Variants in FGF19 observed in about 807,000 individuals in gnomAD.
The protein encoded by FGF19 is FGF-19.
FGF19 carries 5 observed loss-of-function variants against 8.9 expected under a neutral mutation model. The observed-to-expected ratio is 0.56, with a 90% CI of 0.29 to 1.18. The LOEUF (loss-of-function observed/expected upper bound fraction) is 1.18. FGF19 is among the 50% of genes most tolerant of loss of function. FGF19 has a pLI of 0.08. For missense variants in FGF19, 237 were observed against 293.9 expected (o/e 0.81, Z 1.42); for synonymous variants, 124 against 128.0 (o/e 0.97, Z 0.21).
chr11:69,699,540 C>T lies in FGF19; in HGVS notation c.373G>A (p.Glu125Lys), dbSNP rs142959398. The change falls in exon 3 of 3, where the codon GAG (glutamate) becomes AAG (lysine). Residue 125 changes from glutamate (E) to lysine (K), a missense_variant. Coordinates refer to ENST00000294312, the MANE Select transcript of FGF19 (RefSeq NM_005117.3). ...ACATTGTAGCCATCTGGGCGGATCT[C>T]CTCCTCGAAAGCACAGTCTTCCTCC... ...YSEEDCAFEE[E>K]IRPDGYNVYR... 1.3e-5 allele frequency: 21 copies of T among 1,613,640 alleles called. No homozygotes were observed. The African/African-American group carries it at 2.5e-4, about 19-fold the overall frequency.
chr11:69,699,711 A>G (rs960068222), intron 2 of FGF19, 135 bp from the exon 3 acceptor site: 7 of 623,932 alleles, frequency 1.1e-5, no homozygotes, highest in Admixed American at 3.0e-5. Flanking sequence ...TGCATGTTTT[A>G]TACATACTTC....
intron 2 of FGF19, 63 bp from the exon 3 acceptor site, chr11:69,699,639 A>C: frequency 2.9e-6 from 4 of 1,356,330 alleles, no homozygotes; most frequent in Non-Finnish European, 4.0e-6. Context: ...GTCCACATGG[A>C]CGTTTGTGCT....
At chr11:69,700,497 G>A (rs978435388) in intron 2 of FGF19, among the ~76,000 whole-genome samples, 20 of 152,272 alleles carry the variant, frequency 1.3e-4, no homozygotes, top group African/African-American at 4.6e-4. Context: ...AAAAGTTCCT[G>A]GGTATTTCAT....
Position 69,699,407 on chromosome 11 carries a change from A to T in FGF19, c.506T>A (p.Leu169Gln). The change falls in exon 3 of 3, where the codon CTG (leucine) becomes CAG (glutamine). Residue 169 changes from leucine to glutamine, a missense_variant. Leu to Gln is a moderately radical substitution (Grantham distance 113, BLOSUM62 -2). Coordinates refer to ENST00000294312, the MANE Select transcript of FGF19 (RefSeq NM_005117.3). ...FLPLSHFLPM[L>Q]PMVPEEPEDL... ...CTCAGGCTCCTCTGGGACCATGGGC[A>T]GCATGGGCAGGAAATGAGAGAGTGG... 2 of 1,614,234 alleles carry T rather than the reference A, an allele frequency of 1.2e-6. No homozygotes were observed. Among genetic ancestry groups the T allele is most frequent in the Non-Finnish European group, 1.7e-6 (2 of 1,180,042 alleles).
Position 69,703,441 on chromosome 11 carries a change from C to T in FGF19, c.233-77G>A. On this transcript the variant is annotated intron_variant, in intron 1 of 2. Coordinates refer to ENST00000294312, the MANE Select transcript of FGF19 (RefSeq NM_005117.3). This position sits in a 1 kb window ranked among gnomAD's most constrained non-coding sequence, Gnocchi z 6.8. ...ACGTGGGTGCGGTCGGTCCACAAGC[C>T]TGTGCTTCTCCCTAGCGTCCCGCGC... 6 of 1,169,930 alleles carry T rather than the reference C, an allele frequency of 5.1e-6. No individual in the cohort carries two copies. Among genetic ancestry groups the T allele is most frequent in the Non-Finnish European group, 4.9e-6 (4 of 814,316 alleles). The allele number at this position is 1,169,930 out of a possible 1,614,324, so 72.5% of individuals were successfully genotyped here. A position where few individuals can be genotyped will look rare whatever the true frequency, so the allele number is the denominator to read the frequency against.
rs576930378 is a variant in FGF19 at position 69,698,859 on chromosome 11, C to T, written c.*403G>A. On this transcript the variant is annotated 3_prime_UTR_variant, in exon 3 of 3. Coordinates refer to ENST00000294312, the MANE Select transcript of FGF19 (RefSeq NM_005117.3). ...GGATCACCTGTTCCTGAAATTAAAA[C>T]TACTGCCTGTCTTCTGGCTGCTCCT... is the stretch of plus-strand genomic sequence containing the variant. 14 of 245,056 alleles carry T rather than the reference C, an allele frequency of 5.7e-5. No individual in the cohort carries two copies. The highest frequency in any genetic ancestry group is 2.7e-4 in the African/African-American group (12 of 44,936). The allele number at this position is 245,056 out of a possible 1,614,324, so 15.2% of individuals were successfully genotyped here.
At position 69,699,111 on chromosome 11, in the gene FGF19, A is replaced by G. The variant is rs928504512; in HGVS notation, c.*151T>C. ...TATTGGCTAGAAACTGGCACTGCCA[A>G]TGGAAAACTCTGAATATGTACAACT... is the stretch of plus-strand genomic sequence containing the variant. On this transcript the variant is annotated 3_prime_UTR_variant, in exon 3 of 3. Transcript: ENST00000294312. 9.6e-6 allele frequency: 6 copies of G among 623,770 alleles called. No homozygotes were observed. Among genetic ancestry groups the G allele is most frequent in the African/African-American group, 9.2e-5 (5 of 54,430 alleles). 38.6% of individuals were successfully genotyped at this position (623,770 alleles called of 1,614,324 possible). A position where few individuals can be genotyped will look rare whatever the true frequency, so the allele number is the denominator to read the frequency against.
rs1854804385 is a variant in FGF19 at position 69,703,693 on chromosome 11, T to A, written c.184A>T (p.Ile62Phe). Residue 62 changes from isoleucine to phenylalanine, a missense_variant, in exon 1 of 3, where the codon ATC becomes TTC. Transcript: ENST00000294312. This position sits in a 1 kb window ranked among gnomAD's most constrained non-coding sequence, Gnocchi z 6.8. ...CAGTCCACGACGCCGTCGGCACGGATGCGCAGGAAGCAGCTGGAGAGCCCG... is the reference window on the plus strand; with the variant it reads ...CAGTCCACGACGCCGTCGGCACGGAAGCGCAGGAAGCAGCTGGAGAGCCCG... The part of the protein sequence containing the change: ...PHGLSSCFLR[I>F]RADGVVDCAR... 2 of 1,232,494 alleles carry A rather than the reference T, an allele frequency of 1.6e-6. No homozygotes were observed. The highest frequency in any genetic ancestry group is 4.2e-5 in the Admixed American group (1 of 23,668). 76.3% of individuals were successfully genotyped at this position (1,232,494 alleles called of 1,614,324 possible).
rs1854801198 is a variant in FGF19 at position 69,703,547 on chromosome 11, C to T, written c.232+98G>A. 5.5e-6 allele frequency: 4 copies of T among 728,884 alleles called. No homozygotes were observed. The South Asian group carries it at 1.5e-4, about 27-fold the overall frequency. 45.2% of individuals were successfully genotyped at this position (728,884 alleles called of 1,614,324 possible). On this transcript the variant is annotated intron_variant, in intron 1 of 2. Coordinates refer to ENST00000294312, the MANE Select transcript of FGF19 (RefSeq NM_005117.3). This position sits in a 1 kb window ranked among gnomAD's most constrained non-coding sequence, Gnocchi z 6.8. ...CAGGAGTTGAGGGGTCCGCAGGAGC[C>T]TAAGGGTGGCAAAGGAAGGAAGGGC...
rs558547443 is a variant in FGF19, at chr11:69,699,448, C to A, written c.465G>T (p.Lys155Asn). 2 of 1,614,200 alleles carry A rather than the reference C, an allele frequency of 1.2e-6. No individual in the cohort carries two copies. The highest frequency in any genetic ancestry group is 3.3e-5 in the Admixed American group (2 of 60,024). The change falls in exon 3 of 3, where the codon AAG (lysine) becomes AAT (asparagine). Residue 155 changes from lysine (K) to asparagine (N), a missense_variant. Transcript: ENST00000294312. The part of the protein sequence containing the change: ...LSSAKQRQLY[K>N]NRGFLPLSHF... ...GAGAGAGTGGAAGAAAGCCTCTGTT[C>A]TTGTACAGCTGCCGCTGTTTGGCAC... is the stretch of plus-strand genomic sequence containing the variant.
At chr11:69,699,679 G>C (rs1590931544) in intron 2 of FGF19, 103 bp from the exon 3 acceptor site, 1 of 785,526 alleles carries the variant, frequency 1.3e-6, no homozygotes, top group Non-Finnish European at 2.0e-6. Context: ...CACCAGCAGT[G>C]ACCTTCCACA....
Position 69,703,339 on chromosome 11 carries a change from A to G in FGF19, c.258T>C (p.Ala86=), listed in dbSNP as rs112832084. The G allele has an allele frequency of 1.2e-4, 190 of 1,610,340 alleles. 2 individuals carry two copies. The African/African-American group carries it at 1.6e-3, about 14-fold the overall frequency. The change falls in exon 2 of 3, where the codon GCT becomes GCC. Residue 86 remains alanine, a synonymous_variant. Coordinates refer to ENST00000294312, the MANE Select transcript of FGF19 (RefSeq NM_005117.3). The surrounding 1 kb of genome is among the most constrained non-coding windows in gnomAD (Gnocchi z 6.8). ...AHSLLEIKAV[A]LRTVAIKGVH... is the part of the protein sequence containing the mutation. ...CGCCCTTGATGGCCACGGTCCGCAG[A>G]GCGACTGCCTTGATCTCCAGCAAAC...
chr11:69,703,586 G>A lies in FGF19; in HGVS notation c.232+59C>T. On this transcript the variant is annotated intron_variant, in intron 1 of 2. Transcript: ENST00000294312. This position sits in a 1 kb window ranked among gnomAD's most constrained non-coding sequence, Gnocchi z 6.8. ...GGAAGGAAGGGCGCTGGGGTGGGGCGCGCGCAGCGGGGTGGGGTGCGCGCG... is the reference window on the plus strand; with the variant it reads ...GGAAGGAAGGGCGCTGGGGTGGGGCACGCGCAGCGGGGTGGGGTGCGCGCG... 1 of 893,236 alleles carries A rather than the reference G, an allele frequency of 1.1e-6. No homozygotes were observed. The highest frequency in any genetic ancestry group is 3.4e-5 in the East Asian group (1 of 28,992). The allele number at this position is 893,236 out of a possible 1,614,324, so 55.3% of individuals were successfully genotyped here. A position where few individuals can be genotyped will look rare whatever the true frequency, so the allele number is the denominator to read the frequency against.
chr11:69,698,589 C>T lies in FGF19; in HGVS notation c.*673G>A, dbSNP rs570935598. ...GCTGGGAGATGGAAGCAGGTGACACCGGGACAGCAAGTTATTCTCAGGACA... is the reference window on the plus strand; with the variant it reads ...GCTGGGAGATGGAAGCAGGTGACACTGGGACAGCAAGTTATTCTCAGGACA... On this transcript the variant is annotated 3_prime_UTR_variant, in exon 3 of 3. Transcript: ENST00000294312. The T allele has an allele frequency of 3.6e-5, 7 of 193,612 alleles. No homozygotes were observed. The highest frequency in any genetic ancestry group is 7.5e-5 in the Non-Finnish European group (7 of 92,968). The allele number at this position is 193,612 out of a possible 1,614,324, so 12.0% of individuals were successfully genotyped here.
chr11:69,700,174 T>C (rs1470349169), intron 2 of FGF19, among the ~76,000 whole-genome samples: 1 of 152,134 alleles, frequency 6.6e-6, no homozygotes, highest in East Asian at 1.9e-4. Flanking sequence ...AGTGTAAGCA[T>C]ATATAATATG....
At position 69,699,468 on chromosome 11, in the gene FGF19, T is replaced by C. The variant is rs1367835916; in HGVS notation, c.445A>G (p.Lys149Glu). ...HRLPVSLSSA[K>E]QRQLYKNRGF... Reference sequence around the variant, plus strand: ...CTGTTCTTGTACAGCTGCCGCTGTTTGGCACTGCTCAGGGAGACCGGGAGG... The same window carrying C: ...CTGTTCTTGTACAGCTGCCGCTGTTCGGCACTGCTCAGGGAGACCGGGAGG... Residue 149 changes from lysine to glutamate, a missense_variant, in exon 3 of 3, where the codon AAA becomes GAA. By Grantham distance (56) the Lys-to-Glu change is moderately conservative (BLOSUM62 1). Coordinates refer to ENST00000294312, the MANE Select transcript of FGF19 (RefSeq NM_005117.3). 6.2e-7 allele frequency: 1 copy of C among 1,614,198 alleles called. No homozygotes were observed.
rs1455964785 is a variant in FGF19 at position 69,698,727 on chromosome 11, A to T, written c.*535T>A. 5.0e-6 allele frequency: 1 copy of T among 199,878 alleles called. No homozygotes were observed. Among genetic ancestry groups the T allele is most frequent in the Non-Finnish European group, 1.0e-5 (1 of 96,944 alleles). The allele number at this position is 199,878 out of a possible 1,614,324, so 12.4% of individuals were successfully genotyped here. On this transcript the variant is annotated 3_prime_UTR_variant, in exon 3 of 3. Transcript: ENST00000294312. ...CTGGTGGGCCATGCCTGCTCCAGTC[A>T]GTTCTGGCCTGGAGGGATTTGGGAA... is the stretch of plus-strand genomic sequence containing the variant.
rs1854779798 is a variant in FGF19, at chr11:69,702,164, C to T, written c.336+1097G>A. Among the ~76,000 whole-genome samples, 1 of 151,778 alleles carries T rather than the reference C, an allele frequency of 6.6e-6. No individual in the cohort carries two copies. Among genetic ancestry groups the T allele is most frequent in the South Asian group, 2.1e-4 (1 of 4,820 alleles). On this transcript the variant is annotated intron_variant, in intron 2 of 2. Coordinates refer to ENST00000294312, the MANE Select transcript of FGF19 (RefSeq NM_005117.3). The surrounding 1 kb of genome is among the most constrained non-coding windows in gnomAD (Gnocchi z 4.6). ...TGGAGCGGCTCTGGGTGGGAGTCAG[C>T]GTCCAGCGTGCCGACCACCCCCTTT...
At chr11:69,700,727 C>T (rs1854759359) in intron 2 of FGF19, among the ~76,000 whole-genome samples, 1 of 152,086 alleles carries the variant, frequency 6.6e-6, no homozygotes, top group Non-Finnish European at 1.5e-5. Context: ...AAGGGCCTTC[C>T]AGGCAGGCTG....
Sources: gnomAD v4.1 joint callset for allele counts (sites outside exome capture counted in the v4.1 genomes callset) on GRCh38, gnomAD v4.1.1 for gene constraint, Gnocchi (gnomAD v3.1) non-coding constraint, MANE v1.5 for transcripts, NCBI Gene and HGNC (gene_info 2026-07-23, HGNC 2026-07-21) for gene names.